Variants in NEO1 observed in about 807,000 individuals in gnomAD.
NEO1 encodes the protein neogenin.
A neutral mutation model predicts 159.7 loss-of-function variants in NEO1; 63 were observed. The observed-to-expected ratio is 0.39, with a 90% confidence interval of 0.32 to 0.49. NEO1 has a LOEUF of 0.49. NEO1 is among the 20% of genes least tolerant of loss of function. The probability of loss-of-function intolerance (pLI) is 0.85; values close to 1 mark genes in which losing one functional copy is unlikely to be tolerated. For missense variants in NEO1, 1,615 were observed against 1,831.0 expected (o/e 0.88, Z 2.15); for synonymous variants, 633 against 662.0 (o/e 0.96, Z 0.67).
intron 5 of NEO1, among the ~76,000 whole-genome samples, chr15:73,153,114 A>C (rs2033510302): frequency 6.6e-6 from 1 of 152,106 alleles, no homozygotes; most frequent in African/African-American, 2.4e-5. Context: ...TGAGGGTAGG[A>C]GAAGATCAGT....
chr15:73,083,979 A>G (rs1232253704), intron 1 of NEO1, among the ~76,000 whole-genome samples: 3 of 151,894 alleles, frequency 2.0e-5, no homozygotes, highest in African/African-American at 7.3e-5. Context: ...TTTTTATTTT[A>G]TTTATTTTCA....
chr15:73,228,911 A>G (rs1311329995), intron 7 of NEO1, among the ~76,000 whole-genome samples: 1 of 152,172 alleles, frequency 6.6e-6, no homozygotes, highest in East Asian at 1.9e-4. Context: ...ATTTCTGGAC[A>G]CTGAATTATC....
intron 7 of NEO1, among the ~76,000 whole-genome samples, chr15:73,184,878 A>G (rs1352848513): frequency 2.0e-5 from 3 of 152,186 alleles, no homozygotes; most frequent in African/African-American, 7.2e-5. Flanking sequence ...CAGTGAGCCA[A>G]GATTGCACCA....
chr15:73,197,122 G>A (rs991619700), intron 7 of NEO1, among the ~76,000 whole-genome samples: 1 of 152,158 alleles, frequency 6.6e-6, no homozygotes, highest in African/African-American at 2.4e-5. Flanking sequence ...CACTTTGGGA[G>A]GCCAAAGTGG....
chr15:73,115,248 G>A (rs555690340), intron 1 of NEO1, among the ~76,000 whole-genome samples: 41 of 152,224 alleles, frequency 2.7e-4, no homozygotes, highest in African/African-American at 9.1e-4. Flanking sequence ...TCACCATGTT[G>A]GCCAGGCTGG....
In NEO1 at chr15:73,258,727, G is replaced by A. The variant is rs777172468; in HGVS notation, c.2093-39G>A. ...ATTATTAATCTTTTGTTTTTCCAAA[G>A]CTCTTGTTTCAGTTGTCTTCTTTGT... On this transcript the variant is annotated intron_variant, in intron 13 of 28. Transcript: ENST00000261908. The A allele has an allele frequency of 6.5e-6, 10 of 1,536,680 alleles. No homozygotes were observed. In the East Asian group the frequency reaches 2.3e-4, roughly 35 times the overall value.
At chr15:73,283,519 C>T (rs979076821) in intron 23 of NEO1, among the ~76,000 whole-genome samples, 2 of 152,204 alleles carry the variant, frequency 1.3e-5, no homozygotes, top group Admixed American at 6.5e-5. Flanking sequence ...CATTGCCAGC[C>T]TCCTCCCAGC....
Position 73,301,308 on chromosome 15 carries a change from C to T in NEO1, c.4166-13C>T. On this transcript the variant is annotated splice_polypyrimidine_tract_variant and intron_variant, in intron 27 of 28. Coordinates refer to ENST00000261908, the MANE Select transcript of NEO1 (RefSeq NM_002499.4). ...GGCTTGGCCACATATCTGATGGTGC[C>T]CTTTCCCCTCAGCTCTGAACCATCA... is the stretch of plus-strand genomic sequence containing the variant. 6.2e-7 allele frequency: 1 copy of T among 1,614,078 alleles called. No individual in the cohort carries two copies. The highest frequency in any genetic ancestry group is 8.5e-7 in the Non-Finnish European group (1 of 1,180,000).
intron 1 of NEO1, among the ~76,000 whole-genome samples, chr15:73,053,697 C>CCTTACGGTATTGTTGAG: frequency 6.6e-6 from 1 of 152,298 alleles, no homozygotes; most frequent in Admixed American, 6.5e-5. Context: ...CCGGGAAGGA[C>CCTTACGGTATTGTTGAG]CTTACGGTAT....
intron 4 of NEO1, among the ~76,000 whole-genome samples, chr15:73,132,211 A>T (rs2031221816): frequency 6.6e-6 from 1 of 152,130 alleles, no homozygotes; most frequent in African/African-American, 2.4e-5. Flanking sequence ...CTCTCTCCTT[A>T]CCTTCTTTAT....
At chr15:73,083,160 G>A (rs1688550131) in intron 1 of NEO1, among the ~76,000 whole-genome samples, 1 of 152,192 alleles carries the variant, frequency 6.6e-6, no homozygotes. Flanking sequence ...GTGTAGTTAA[G>A]CAGTGTCAGA....
chr15:73,068,231 C>CCCCCCCCCCCCCCG (rs55919404), intron 1 of NEO1, among the ~76,000 whole-genome samples: 37 of 120,536 alleles, frequency 3.1e-4, no homozygotes, highest in Non-Finnish European at 5.8e-4. Flanking sequence ...CTACCCCCCC[C>CCCCCCCCCCCCCCG]CCTTTTTTTT....
At chr15:73,149,527 A>C (rs1396447824) in intron 5 of NEO1, among the ~76,000 whole-genome samples, 1 of 152,160 alleles carries the variant, frequency 6.6e-6, no homozygotes, top group East Asian at 1.9e-4. Context: ...GATGATAAAA[A>C]CTATAAGATT....
At chr15:73,129,161 C>G (rs1292643952) in intron 4 of NEO1, among the ~76,000 whole-genome samples, 1 of 152,080 alleles carries the variant, frequency 6.6e-6, no homozygotes, top group Non-Finnish European at 1.5e-5. Flanking sequence ...GAAGTGGTGG[C>G]CAATATATTT....
At chr15:73,298,149 G>A in intron 26 of NEO1, 199 bp from the exon 27 acceptor site, 2 of 617,524 alleles carry the variant, frequency 3.2e-6, no homozygotes, top group African/African-American at 3.7e-5. Context: ...TGAAAAACTG[G>A]AATAGCTGGT....
At chr15:73,244,982 A>AAAAAAC (rs1567586974) in intron 9 of NEO1, among the ~76,000 whole-genome samples, 2 of 148,432 alleles carry the variant, frequency 1.3e-5, no homozygotes, top group Admixed American at 6.8e-5. Context: ...AAAAAAAAAA[A>AAAAAAC]ACAACAGCAA....
intron 7 of NEO1, among the ~76,000 whole-genome samples, chr15:73,201,814 C>G (rs926154290): frequency 4.0e-5 from 6 of 151,876 alleles, no homozygotes; most frequent in African/African-American, 1.5e-4. Context: ...TTATGTAATA[C>G]CTTCCTTTTT....
chr15:73,248,734 T>C (rs1435095077), intron 9 of NEO1, among the ~76,000 whole-genome samples: 2 of 152,198 alleles, frequency 1.3e-5, no homozygotes, highest in African/African-American at 4.8e-5. Context: ...TATTCATCAC[T>C]GTATCCCTAG....
intron 1 of NEO1, among the ~76,000 whole-genome samples, chr15:73,096,321 G>A (rs2151477856): frequency 6.6e-6 from 1 of 152,248 alleles, no homozygotes; most frequent in East Asian, 1.9e-4. Flanking sequence ...GCAGACAAAA[G>A]CAGAACTTTG....
Sources: gnomAD v4.1 joint callset for allele counts (sites outside exome capture counted in the v4.1 genomes callset) on GRCh38, gnomAD v4.1.1 for gene constraint, MANE v1.5 for transcripts, NCBI Gene and HGNC (gene_info 2026-07-23, HGNC 2026-07-21) for gene names.